RNF213: variants seen among roughly 807,000 people sequenced by gnomAD.
The protein encoded by RNF213 is E3 ubiquitin-protein ligase RNF213.
In RNF213, 341 loss-of-function variants were observed where a neutral mutation model predicts 514.4. The ratio of observed to expected loss-of-function variants is 0.66; its 90% CI spans 0.61 to 0.73. The LOEUF (loss-of-function observed/expected upper bound fraction) is 0.73, where lower values mean the gene tolerates loss of function less well. Ranked by LOEUF, RNF213 falls within the 30% of genes least tolerant of loss-of-function variation. RNF213 has a pLI of 0.00. For missense variants in RNF213, 5,767 were observed against 6,615.6 expected, an observed-to-expected ratio of 0.87 and a Z score of 4.45; for synonymous variants, 2,655 against 2,658.2, an observed-to-expected ratio of 1.00 and a Z score of 0.04.
intron 20 of RNF213, among the ~76,000 whole-genome samples, chr17:80,329,959 T>C (rs1197732346): frequency 9.2e-5 from 14 of 152,228 alleles, no homozygotes; most frequent in Admixed American, 9.2e-4. Flanking sequence ...CTTGCTGGAA[T>C]TCCTGTTAAT....
intron 3 of RNF213, among the ~76,000 whole-genome samples, chr17:80,275,941 C>T (rs550270616): frequency 4.3e-4 from 65 of 150,656 alleles, no homozygotes; most frequent in Admixed American, 3.3e-4. Flanking sequence ...GGATTACAGG[C>T]GTGAGCCACC....
chr17:80,261,813 G>A lies in RNF213; in HGVS notation c.-109+911G>A, dbSNP rs148238829. Among the ~76,000 whole-genome samples the A allele has an allele frequency of 6.5e-3, 996 of 152,306 alleles. 13 individuals carry two copies. The highest frequency in any genetic ancestry group is 0.02 in the South Asian group (97 of 4,828). ...GCGGGTGGGTCACCTGAGGTCGGGAGTTCGAGACCAGCCTGGCCAACATGA... is the reference window on the plus strand; with the variant it reads ...GCGGGTGGGTCACCTGAGGTCGGGAATTCGAGACCAGCCTGGCCAACATGA... On this transcript the variant is annotated intron_variant, in intron 1 of 67. Transcript: ENST00000582970.
Position 80,336,158 on chromosome 17 carries a change from C to G in RNF213, c.4310-3C>G. The G allele has an allele frequency of 1.3e-6, 2 of 1,536,646 alleles. No homozygotes were observed. The highest frequency in any genetic ancestry group is 1.2e-5 in the South Asian group (1 of 84,046). On this transcript the variant is annotated splice_region_variant and splice_polypyrimidine_tract_variant and intron_variant, in intron 22 of 67. Transcript: ENST00000582970. Reference sequence around the variant, plus strand: ...CGCTGAACTCCCCTCTTCTCTTCCCCAGGCATCAATGAGCTGAAGGTGTTT... The same window carrying G: ...CGCTGAACTCCCCTCTTCTCTTCCCGAGGCATCAATGAGCTGAAGGTGTTT...
rs1363216971 is a variant in RNF213, at chr17:80,345,329, G to C, written c.6994G>C (p.Ala2332Pro). The C allele has an allele frequency of 6.2e-7, 1 of 1,614,096 alleles. No individual in the cohort carries two copies. Among genetic ancestry groups the C allele is most frequent in the East Asian group, 2.2e-5 (1 of 44,880 alleles). ...LQPNINGSVD[A>P]ISHLTGKVIK... ...GCCCAACATCAACGGCAGTGTCGAT[G>C]CCATCAGTCACTTGACTGGGAAGGT... The change falls in exon 29 of 68, where the codon GCC (alanine) becomes CCC (proline). Residue 2332 changes from alanine (A) to proline (P), a missense_variant. Ala to Pro is a conservative substitution (Grantham distance 27). This residue lies in a region of RNF213 where 1,377 missense variants were observed against 1,635.2 expected (regional missense o/e 0.84). Transcript: ENST00000582970. The surrounding 1 kb of genome is among the most constrained non-coding windows in gnomAD (Gnocchi z 6.0).
intron 3 of RNF213, among the ~76,000 whole-genome samples, chr17:80,285,674 CT>C (rs1201335107): frequency 5.5e-4 from 80 of 146,374 alleles, no homozygotes; most frequent in South Asian, 6.5e-4. Flanking sequence ...TCTGCAGTTG[CT>C]TTTTTTTTTT....
intron 46 of RNF213, 133 bp downstream of exon 46, chr17:80,370,000 A>G (rs2144489759): frequency 2.7e-6 from 2 of 731,758 alleles, no homozygotes; most frequent in South Asian, 2.9e-5. Context: ...GGTGAGACAC[A>G]GCCTGGTTAC....
rs1164544832 is a variant in RNF213 at position 80,353,614 on chromosome 17, CAG to C, written c.10528_10529del (p.Glu3510LysfsTer3). 25 of 1,614,040 alleles carry C rather than the reference CAG, an allele frequency of 1.5e-5. No individual in the cohort carries two copies. Among genetic ancestry groups the C allele is most frequent in the East Asian group, 6.7e-5 (3 of 44,896 alleles). ...GAGGTGGCAGAGGAGGCCATGGAAACAGAAAGTTCTGAGAAGGTGGGAAAGGA... is the reference window on the plus strand; with the variant it reads ...GAGGTGGCAGAGGAGGCCATGGAAACAAAGTTCTGAGAAGGTGGGAAAGGA... On this transcript the variant is annotated frameshift_variant, in exon 34 of 68. Transcript: ENST00000582970. LOFTEE classifies it high-confidence loss of function. The surrounding 1 kb of genome is among the most constrained non-coding windows in gnomAD (Gnocchi z 5.0).
chr17:80,327,269 G>T (rs1051315473), intron 18 of RNF213, among the ~76,000 whole-genome samples: 6 of 152,178 alleles, frequency 3.9e-5, no homozygotes, highest in Non-Finnish European at 7.3e-5. Context: ...AGGCCAAGGC[G>T]GGAGGATCTC....
rs1268301561 is a variant in RNF213 at position 80,360,133 on chromosome 17, C to G, written c.11127C>G (p.Val3709=). The G allele has an allele frequency of 6.2e-7, 1 of 1,614,024 alleles. No individual in the cohort carries two copies. The highest frequency in any genetic ancestry group is 1.3e-5 in the African/African-American group (1 of 74,918). ...MNLSENASNN[V]PFSWKIKDYL... is the part of the protein sequence containing the mutation. ...TTTCCGAGAACGCTTCCAACAACGTCCCTTTCAGCTGGAAAATCAAGGACT... is the reference window on the plus strand; with the variant it reads ...TTTCCGAGAACGCTTCCAACAACGTGCCTTTCAGCTGGAAAATCAAGGACT... The change falls in exon 38 of 68, where the codon GTC becomes GTG. Residue 3709 remains valine (V), a synonymous_variant. Transcript: ENST00000582970.
intron 8 of RNF213, among the ~76,000 whole-genome samples, chr17:80,292,375 A>AT (rs1227822713): frequency 3.5e-4 from 53 of 152,108 alleles, no homozygotes; most frequent in Non-Finnish European, 1.0e-4. Context: ...GCCAGAAAGG[A>AT]TTTTTAATTA....
At position 80,379,729 on chromosome 17, in the gene RNF213, AT is replaced by A; in HGVS notation, c.13640+17del. 1 of 1,610,368 alleles carries A rather than the reference AT, an allele frequency of 6.2e-7. No individual in the cohort carries two copies. Among genetic ancestry groups the A allele is most frequent in the Non-Finnish European group, 8.5e-7 (1 of 1,176,624 alleles). ...CATCTGGTCAAGTATGTGGGTCAGG[AT>A]TCTATTTCCTAAGTACTCAAACTTT... On this transcript the variant is annotated intron_variant, in intron 55 of 67. Transcript: ENST00000582970.
intron 21 of RNF213, chr17:80,333,866 A>C: frequency 1.9e-6 from 1 of 523,536 alleles, no homozygotes; most frequent in Non-Finnish European, 3.4e-6. Flanking sequence ...ACTTTATTAA[A>C]ATGCTTAGCA....
At chr17:80,315,429 A>C (rs372117379) in intron 15 of RNF213, among the ~76,000 whole-genome samples, 5 of 122 alleles carry the variant, frequency 0.041, 1 homozygote, top group Non-Finnish European at 0.071. Flanking sequence ...GGTGGAGGTA[A>C]TGGAGGTGAT....
intron 2 of RNF213, among the ~76,000 whole-genome samples, chr17:80,270,664 C>A (rs566695988): frequency 6.6e-6 from 1 of 152,268 alleles, no homozygotes; most frequent in East Asian, 1.9e-4. Context: ...TTTCCTTGAG[C>A]GGCCTGTCTG....
intron 3 of RNF213, among the ~76,000 whole-genome samples, chr17:80,285,836 A>G (rs1568011520): frequency 6.6e-6 from 1 of 151,934 alleles, no homozygotes; most frequent in Non-Finnish European, 1.5e-5. Context: ...ACGCCCAGCT[A>G]ATTTTTTGTG....
Position 80,389,882 on chromosome 17 carries a change from G to A in RNF213, c.15250G>A (p.Ala5084Thr). 1 of 1,614,188 alleles carries A rather than the reference G, an allele frequency of 6.2e-7. No individual in the cohort carries two copies. Among genetic ancestry groups the A allele is most frequent in the African/African-American group, 1.3e-5 (1 of 75,056 alleles). The change falls in exon 66 of 68, where the codon GCT becomes ACT. Residue 5084 changes from alanine (A) to threonine (T), a missense_variant. Ala to Thr is a moderately conservative substitution (Grantham distance 58). Coordinates refer to ENST00000582970, the MANE Select transcript of RNF213 (RefSeq NM_001256071.3). ...CATTGCCCTCTGGCAGTTCCTGTCTGCTCATAAGTCTGAACAGCTGCTGCG... is the reference window on the plus strand; with the variant it reads ...CATTGCCCTCTGGCAGTTCCTGTCTACTCATAAGTCTGAACAGCTGCTGCG... ...HTIALWQFLS[A>T]HKSEQLLRLH... is the part of the protein sequence containing the mutation.
Position 80,393,465 on chromosome 17 carries a change from T to G in RNF213, c.15591T>G (p.Ala5197=). 6.2e-7 allele frequency: 1 copy of G among 1,614,242 alleles called. No individual in the cohort carries two copies. Among genetic ancestry groups the G allele is most frequent in the Non-Finnish European group, 8.5e-7 (1 of 1,180,036 alleles). Residue 5197 remains alanine (A), a synonymous_variant, in exon 68 of 68, where the codon GCT becomes GCG. Coordinates refer to ENST00000582970, the MANE Select transcript of RNF213 (RefSeq NM_001256071.3). The part of the protein sequence containing the change: ...LASCVSVWKT[A]AVLKWNREMR ...GCTGTGTCTCAGTGTGGAAAACAGC[T>G]GCTGTGCTGAAATGGAATCGAGAAA...
rs765236391 is a variant in RNF213, at chr17:80,307,176, C to T, written c.2476C>T (p.Arg826Ter). The T allele has an allele frequency of 3.7e-6, 6 of 1,613,590 alleles. No individual in the cohort carries two copies. Among genetic ancestry groups the T allele is most frequent in the East Asian group, 2.2e-5 (1 of 44,866 alleles). The change falls in exon 13 of 68, where the codon CGA (arginine) becomes TGA (stop). Residue 826 changes from arginine to a stop codon, truncating the protein, a stop_gained. Coordinates refer to ENST00000582970, the MANE Select transcript of RNF213 (RefSeq NM_001256071.3). LOFTEE classifies it high-confidence loss of function. ...TCAGAACATTTTAGAAATGCTGTTG[C>T]GACTCCTGGACACTTACCGGGACAA... Reference protein sequence around the residue: ...NVQNILEMLLRLLDTYRDKIP... With the variant: ...NVQNILEMLL
rs2080600319 is a variant in RNF213 at position 80,394,416 on chromosome 17, G to T, written c.*918G>T. The T allele has an allele frequency of 6.6e-6, 1 of 152,162 alleles. No homozygotes were observed. The highest frequency in any genetic ancestry group is 2.1e-4 in the South Asian group (1 of 4,828). The allele number at this position is 152,162 out of a possible 1,614,324, so 9.4% of individuals were successfully genotyped here. A position where few individuals can be genotyped will look rare whatever the true frequency, so the allele number is the denominator to read the frequency against. On this transcript the variant is annotated 3_prime_UTR_variant, in exon 68 of 68. Transcript: ENST00000582970. ...GTTCTCAGCCAAGACATAAAAACTA[G>T]GACTCAGAGCACATACAAAACCAGT... is the stretch of plus-strand genomic sequence containing the variant.
Sources: gnomAD v4.1 joint callset for allele counts (sites outside exome capture counted in the v4.1 genomes callset) on GRCh38, gnomAD v4.1.1 for gene constraint, gnomAD v4.1.1 regional missense constraint, Gnocchi (gnomAD v3.1) non-coding constraint, MANE v1.5 for transcripts, NCBI Gene and HGNC (gene_info 2026-07-23, HGNC 2026-07-21) for gene names.